Variants in DENND2A observed in about 807,000 individuals in gnomAD.
The protein encoded by DENND2A is DENN domain containing 2A, also known as DENN domain-containing protein 2A.
In DENND2A, 53 loss-of-function variants were observed where a neutral mutation model predicts 105.3. The observed-to-expected ratio is 0.50, with a 90% confidence interval of 0.40 to 0.63. The LOEUF (loss-of-function observed/expected upper bound fraction) is 0.63. DENND2A is among the 30% of genes least tolerant of loss of function. The probability of loss-of-function intolerance (pLI) is 0.00; values close to 1 mark genes in which losing one functional copy is unlikely to be tolerated. For missense variants in DENND2A, 1,138 were observed against 1,279.6 expected, an observed-to-expected ratio of 0.89 and a Z score of 1.69; for synonymous variants, 522 against 508.4, an observed-to-expected ratio of 1.03 and a Z score of -0.36.
intron 2 of DENND2A, among the ~76,000 whole-genome samples, chr7:140,603,132 G>A (rs1441186955): frequency 1.3e-5 from 2 of 151,872 alleles, no homozygotes; most frequent in Non-Finnish European, 2.9e-5. Context: ...AAAATACAAA[G>A]ATTAGCGGGG....
At chr7:140,536,357 G>GA (rs781061820) in intron 14 of DENND2A, among the ~76,000 whole-genome samples, 4,932 of 140,232 alleles carry the variant, frequency 0.035, 259 homozygotes, top group African/African-American at 0.12. Context: ...TCCATCTCAG[G>GA]AAAAAAAAAA....
rs1242612573 is a variant in DENND2A, at chr7:140,640,652, A to G, written c.-396T>C. 6.8e-6 allele frequency: 1 copy of G among 147,594 alleles called. No homozygotes were observed. Among genetic ancestry groups the G allele is most frequent in the Admixed American group, 6.7e-5 (1 of 14,886 alleles). 9.1% of individuals were successfully genotyped at this position (147,594 alleles called of 1,614,324 possible). The stretch of plus-strand genomic sequence containing the variant: ...CCGCCCTCCGCCCCTTTGTCCGCCG[A>G]GCCTCCCCCGGCCGCCCGCAAGCCC... On this transcript the variant is annotated 5_prime_UTR_variant, in exon 1 of 20. Transcript: ENST00000496613. This position sits in a 1 kb window ranked among gnomAD's most constrained non-coding sequence, Gnocchi z 4.9.
intron 1 of DENND2A, among the ~76,000 whole-genome samples, chr7:140,611,179 T>C (rs564994768): frequency 1.1e-3 from 173 of 152,220 alleles, no homozygotes; most frequent in African/African-American, 4.0e-3. Context: ...GTAGCTGGGA[T>C]TACAGGCATG....
At chr7:140,526,186 C>T (rs1796049095) in intron 15 of DENND2A, among the ~76,000 whole-genome samples, 1 of 152,212 alleles carries the variant, frequency 6.6e-6, no homozygotes, top group Non-Finnish European at 1.5e-5. Flanking sequence ...CCCAGCTGCC[C>T]ACTTAACCGT....
At chr7:140,598,620 A>C (rs533199294) in intron 3 of DENND2A, among the ~76,000 whole-genome samples, 1 of 152,196 alleles carries the variant, frequency 6.6e-6, no homozygotes, top group Non-Finnish European at 1.5e-5. Flanking sequence ...ATACACATAT[A>C]TATACACACA....
intron 1 of DENND2A, among the ~76,000 whole-genome samples, chr7:140,607,621 G>A (rs1799741146): frequency 6.6e-6 from 1 of 152,176 alleles, no homozygotes; most frequent in Non-Finnish European, 1.5e-5. Context: ...TTCAGGGACA[G>A]GAAGGAACTC....
chr7:140,631,180 T>C (rs544379962), intron 1 of DENND2A, among the ~76,000 whole-genome samples: 1 of 152,288 alleles, frequency 6.6e-6, no homozygotes, highest in African/African-American at 2.4e-5. Context: ...GACGAACCAT[T>C]AGTAACCTAA....
At chr7:140,552,455 G>A (rs1797177212) in intron 12 of DENND2A, among the ~76,000 whole-genome samples, 1 of 150,950 alleles carries the variant, frequency 6.6e-6, no homozygotes, top group African/African-American at 2.4e-5. Flanking sequence ...GTGCACTGGT[G>A]TGAACATGAC....
intron 1 of DENND2A, among the ~76,000 whole-genome samples, chr7:140,624,071 G>A (rs1800408280): frequency 6.6e-6 from 1 of 152,214 alleles, no homozygotes; most frequent in South Asian, 2.1e-4. Flanking sequence ...CGGATGAGCA[G>A]AAGGAGGAGC....
chr7:140,530,520 C>G (rs1796221453), intron 14 of DENND2A, among the ~76,000 whole-genome samples: 1 of 151,968 alleles, frequency 6.6e-6, no homozygotes, highest in Admixed American at 6.6e-5. Context: ...TCTTTTCTTT[C>G]AAATGATCAC....
At chr7:140,534,112 T>G (rs1292150012) in intron 14 of DENND2A, among the ~76,000 whole-genome samples, 2 of 129,682 alleles carry the variant, frequency 1.5e-5, no homozygotes, top group Non-Finnish European at 3.2e-5. Context: ...TGAGATGGAG[T>G]CTTGCTCTGG....
At chr7:140,544,861 CA>C in intron 13 of DENND2A, 95 bp from the exon 14 acceptor site, 6 of 1,510,668 alleles carry the variant, frequency 4.0e-6, no homozygotes, top group Non-Finnish European at 5.3e-6. Context: ...AGGTCCTCAT[CA>C]GGGGTGACCC....
chr7:140,595,792 T>G (rs1306679332), intron 3 of DENND2A, among the ~76,000 whole-genome samples: 1 of 150,348 alleles, frequency 6.7e-6, no homozygotes, highest in Non-Finnish European at 1.5e-5. Context: ...TTGGCTAGCC[T>G]GGCACCTAGC....
chr7:140,593,064 T>C (rs532254703), intron 3 of DENND2A, among the ~76,000 whole-genome samples: 116 of 152,364 alleles, frequency 7.6e-4, no homozygotes, highest in Middle Eastern at 3.4e-3. Context: ...TTTTTTTAAC[T>C]TGAAAGTTTT....
chr7:140,578,323 C>T (rs796975134), intron 5 of DENND2A, among the ~76,000 whole-genome samples: 3 of 152,270 alleles, frequency 2.0e-5, no homozygotes, highest in Admixed American at 6.5e-5. Context: ...TGTCTGTGAA[C>T]GGTGGCTGGT....
rs1394480151 is a variant in DENND2A at position 140,601,418 on chromosome 7, G to A, written c.980C>T (p.Ser327Phe). 1 of 1,601,564 alleles carries A rather than the reference G, an allele frequency of 6.2e-7. No homozygotes were observed. The highest frequency in any genetic ancestry group is 8.5e-7 in the Non-Finnish European group (1 of 1,174,420). Residue 327 changes from serine to phenylalanine, a missense_variant, in exon 3 of 20, where the codon TCC becomes TTC. By Grantham distance (155) the Ser-to-Phe change is radical (BLOSUM62 -2). This residue lies in a region of DENND2A where 511 missense variants were observed against 499.9 expected (regional missense o/e 1.02). Transcript: ENST00000496613. Reference sequence around the variant, plus strand: ...CGGCACCTACCTGTGGTCTGCACTGGATTTCTGTCTCCCGGTCCACAGTCT... The same window carrying A: ...CGGCACCTACCTGTGGTCTGCACTGAATTTCTGTCTCCCGGTCCACAGTCT... ...NRRLWTGRQK[S>F]SADHRKSYEF...
In DENND2A at chr7:140,523,538, G is replaced by A; in HGVS notation, c.2548-114C>T. ...GGCTCAGTCTCCAGTTTCATGGAAG[G>A]AATACAACTGAAAGCCAGAGGTCTG... On this transcript the variant is annotated intron_variant, in intron 16 of 19. Transcript: ENST00000496613. This position sits in a 1 kb window ranked among gnomAD's most constrained non-coding sequence, Gnocchi z 4.5. The A allele has an allele frequency of 1.2e-6, 1 of 825,656 alleles. No individual in the cohort carries two copies. The highest frequency in any genetic ancestry group is 1.6e-5 in the South Asian group (1 of 63,568). The allele number at this position is 825,656 out of a possible 1,614,324, so 51.1% of individuals were successfully genotyped here.
In DENND2A at chr7:140,569,675, A is replaced by G; in HGVS notation, c.1510T>C (p.Ser504Pro). The change falls in exon 7 of 20, where the codon TCC (serine) becomes CCC (proline). Residue 504 changes from serine to proline, a missense_variant. Transcript: ENST00000496613. ...CCTGAGTTGCTCTCCATTGACTGGG[A>G]CAGCCTCTTCACCCGTTTCTTTCCT... ...RRGKKRVKRL[S>P]QSMESNSGKV... The G allele has an allele frequency of 6.2e-7, 1 of 1,613,738 alleles. No homozygotes were observed. The highest frequency in any genetic ancestry group is 8.5e-7 in the Non-Finnish European group (1 of 1,179,668).
intron 1 of DENND2A, among the ~76,000 whole-genome samples, chr7:140,620,042 A>G (rs1386795224): frequency 6.6e-6 from 1 of 151,384 alleles, no homozygotes. Context: ...AAAATACCAA[A>G]AAAATTAGGC....
Sources: allele counts gnomAD v4.1 joint callset (sites outside exome capture counted in the v4.1 genomes callset), GRCh38; gene constraint gnomAD v4.1.1; regional missense constraint gnomAD v4.1.1; non-coding constraint Gnocchi (gnomAD v3.1); transcripts MANE v1.5; gene names NCBI Gene and HGNC (gene_info 2026-07-23, HGNC 2026-07-21).